Variants in ERMP1 observed in about 807,000 individuals in gnomAD.
ERMP1 encodes Felix-ina.
Under a neutral mutation model 92.0 loss-of-function variants are expected in ERMP1, and 86 were observed. That is an observed-to-expected ratio of 0.93 (90% CI 0.79 to 1.12). The LOEUF (loss-of-function observed/expected upper bound fraction) is 1.12, where lower values mean the gene tolerates loss of function less well. ERMP1 is among the 50% of genes most tolerant of loss of function. The pLI, the probability that ERMP1 is intolerant of heterozygous loss-of-function variation, is 0.00. For synonymous variants in ERMP1, 530 were observed against 412.8 expected (o/e 1.28, Z -3.44); for missense variants, 1,342 against 1,116.3 (o/e 1.20, Z -2.88).
rs559607036 is a variant in ERMP1 at position 5,803,315 on chromosome 9, G to C, written c.1914+1712C>G. On this transcript the variant is annotated intron_variant, in intron 10 of 14. Coordinates refer to ENST00000339450, the MANE Select transcript of ERMP1 (RefSeq NM_024896.3). ...TATTTCACATTATAATGAAAAATAA[G>C]TGAGCTTTCTAAAGTATTCCAAGAG... is the stretch of plus-strand genomic sequence containing the variant. Among the ~76,000 whole-genome samples, 5 of 152,326 alleles carry C rather than the reference G, an allele frequency of 3.3e-5. No homozygotes were observed. In the East Asian group the frequency reaches 9.6e-4, roughly 29 times the overall value.
chr9:5,802,786 A>C (rs76245523), intron 10 of ERMP1, among the ~76,000 whole-genome samples: 191 of 152,332 alleles, frequency 1.3e-3, no homozygotes, highest in African/African-American at 4.4e-3. Context: ...TGCTGATACA[A>C]GTGGGGTCAG....
intron 2 of ERMP1, among the ~76,000 whole-genome samples, chr9:5,825,931 T>C (rs147771112): frequency 4.0e-3 from 603 of 152,312 alleles, no homozygotes; most frequent in African/African-American, 0.013. Context: ...TTTTAAAGCA[T>C]TGTAAGAGAC....
intron 4 of ERMP1, among the ~76,000 whole-genome samples, chr9:5,814,761 CA>C (rs1477512270): frequency 6.6e-6 from 1 of 151,820 alleles, no homozygotes; most frequent in Non-Finnish European, 1.5e-5. Flanking sequence ...AAAAATGACC[CA>C]AAAAAGCAGA....
chr9:5,812,877 T>C lies in ERMP1; in HGVS notation c.1021+12A>G. 3 of 1,613,920 alleles carry C rather than the reference T, an allele frequency of 1.9e-6. No individual in the cohort carries two copies. The highest frequency in any genetic ancestry group is 1.1e-5 in the South Asian group (1 of 91,078). On this transcript the variant is annotated intron_variant, in intron 5 of 14. Transcript: ENST00000339450. ...AATGCTGCACAGTAGGCCGTAACCATTGACAATATACCTGGAATGTTCCCA... is the reference window on the plus strand; with the variant it reads ...AATGCTGCACAGTAGGCCGTAACCACTGACAATATACCTGGAATGTTCCCA...
chr9:5,856,171 C>G lies in ERMP1; in HGVS notation n.3199+3297G>C, dbSNP rs1158484574. On this transcript the variant is annotated intron_variant and non_coding_transcript_variant, in intron 6 of 6. Coordinates refer to the ERMP1 transcript ENST00000690753. ...CTTCAAATCAGGGCATTGGTTTGTC[C>G]TAAAGTCCTCAGAAAACCATCTGGG... The G allele has an allele frequency of 1.7e-5, 5 of 299,088 alleles. No homozygotes were observed. In the East Asian group the frequency reaches 6.4e-4, roughly 38 times the overall value. The allele number at this position is 299,088 out of a possible 1,614,324, so 18.5% of individuals were successfully genotyped here.
In ERMP1 at chr9:5,786,867, C is replaced by G; in HGVS notation, c.*277G>C. ...ATTGAAGTGGATTGTTGGCTTTGTC[C>G]TTAAGGTCATATAAAATGACGTGTG... On this transcript the variant is annotated 3_prime_UTR_variant, in exon 15 of 15. Transcript: ENST00000339450. 1 of 255,788 alleles carries G rather than the reference C, an allele frequency of 3.9e-6. No individual in the cohort carries two copies. The highest frequency in any genetic ancestry group is 7.5e-6 in the Non-Finnish European group (1 of 133,398). The allele number at this position is 255,788 out of a possible 1,614,324, so 15.8% of individuals were successfully genotyped here.
intron 12 of ERMP1, among the ~76,000 whole-genome samples, chr9:5,798,498 G>A (rs1828538730): frequency 6.6e-6 from 1 of 152,134 alleles, no homozygotes; most frequent in Non-Finnish European, 1.5e-5. Flanking sequence ...TTACAGGCAT[G>A]AGCCACCGTG....
upstream of ERMP1, among the ~76,000 whole-genome samples, chr9:5,833,981 T>A (rs945504589): frequency 2.6e-5 from 4 of 152,116 alleles, no homozygotes; most frequent in Non-Finnish European, 5.9e-5. Flanking sequence ...TAGCTTGGAG[T>A]TGCTACATTA....
At chr9:5,852,659 TA>T (rs35545449) in intron 6 of ERMP1, among the ~76,000 whole-genome samples, 7,573 of 137,292 alleles carry the variant, frequency 0.055, 202 homozygotes, top group Middle Eastern at 0.14. Context: ...GAATGTTCAT[TA>T]AAAAAAAAAA....
In ERMP1 at chr9:5,811,234, A is replaced by T. The variant is rs775659029; in HGVS notation, c.1204T>A (p.Phe402Ile). Reference sequence around the variant, plus strand: ...ATGACAAACAGGCCCAGCACATCAAAGAAGACCATGTTTCCATGTCGATAC... The same window carrying T: ...ATGACAAACAGGCCCAGCACATCAATGAAGACCATGTTTCCATGTCGATAC... ...SKYRHGNMVFFDVLGLFVIAY... is the reference protein window; with the variant it reads ...SKYRHGNMVFIDVLGLFVIAY... The change falls in exon 7 of 15, where the codon TTT (phenylalanine) becomes ATT (isoleucine). Residue 402 changes from phenylalanine (F) to isoleucine (I), a missense_variant. Phe to Ile is a conservative substitution (Grantham distance 21, BLOSUM62 0). Coordinates refer to ENST00000339450, the MANE Select transcript of ERMP1 (RefSeq NM_024896.3). The T allele has an allele frequency of 6.2e-7, 1 of 1,614,022 alleles. No individual in the cohort carries two copies. The highest frequency in any genetic ancestry group is 8.5e-7 in the Non-Finnish European group (1 of 1,179,990).
chr9:5,793,816 G>A (rs988945625), intron 13 of ERMP1, among the ~76,000 whole-genome samples: 3 of 152,068 alleles, frequency 2.0e-5, no homozygotes, highest in Non-Finnish European at 4.4e-5. Flanking sequence ...ACAACTAAAG[G>A]AGAAAGACAA....
At chr9:5,834,269 G>A (rs146686419), upstream of ERMP1, among the ~76,000 whole-genome samples, 1 of 152,156 alleles carries the variant, frequency 6.6e-6, no homozygotes, top group Non-Finnish European at 1.5e-5. Flanking sequence ...TTAACTCCTA[G>A]TTATCCTTTA....
chr9:5,862,800 G>T (rs1830541331), intron 5 of ERMP1, among the ~76,000 whole-genome samples: 1 of 152,182 alleles, frequency 6.6e-6, no homozygotes, highest in African/African-American at 2.4e-5. Context: ...GTGTCTACTT[G>T]TTGGGGCCAT....
rs1830027968 is a variant in ERMP1 at position 5,833,103 on chromosome 9, G to A, written c.-76C>T. 2.4e-6 allele frequency: 3 copies of A among 1,274,226 alleles called. No homozygotes were observed. Among genetic ancestry groups the A allele is most frequent in the Admixed American group, 3.8e-5 (1 of 26,454 alleles). The allele number at this position is 1,274,226 out of a possible 1,614,324, so 78.9% of individuals were successfully genotyped here. A position where few individuals can be genotyped will look rare whatever the true frequency, so the allele number is the denominator to read the frequency against. On this transcript the variant is annotated 5_prime_UTR_variant, in exon 1 of 15. Coordinates refer to ENST00000339450, the MANE Select transcript of ERMP1 (RefSeq NM_024896.3). Reference sequence around the variant, plus strand: ...GGCCGCCGCCGACGCCGCCGTCGCTGCCGCAGCGCCTCCTAGTGAGCGGAC... The same window carrying A: ...GGCCGCCGCCGACGCCGCCGTCGCTACCGCAGCGCCTCCTAGTGAGCGGAC...
intron 6 of ERMP1, among the ~76,000 whole-genome samples, chr9:5,841,505 A>C (rs1830163055): frequency 6.6e-6 from 1 of 152,184 alleles, no homozygotes. Flanking sequence ...TGGGTGAAGA[A>C]AATGTTTTGG....
chr9:5,794,038 C>T (rs891734503), intron 13 of ERMP1, among the ~76,000 whole-genome samples: 3 of 152,056 alleles, frequency 2.0e-5, no homozygotes, highest in Admixed American at 2.0e-4. Flanking sequence ...AGACCACATC[C>T]TGTATCATAA....
chr9:5,867,023 C>T (rs1830689695), intron 5 of ERMP1, among the ~76,000 whole-genome samples: 1 of 152,248 alleles, frequency 6.6e-6, no homozygotes, highest in Admixed American at 6.5e-5. Flanking sequence ...GGTGAGACCC[C>T]ATCTCTACAA....
rs544145044 is a variant in ERMP1, at chr9:5,801,031, C to G, written c.2067+145G>C. 48 of 652,046 alleles carry G rather than the reference C, an allele frequency of 7.4e-5. No homozygotes were observed. In the East Asian group the frequency reaches 1.4e-3, roughly 19 times the overall value. 40.4% of individuals were successfully genotyped at this position (652,046 alleles called of 1,614,324 possible). A position where few individuals can be genotyped will look rare whatever the true frequency, so the allele number is the denominator to read the frequency against. ...ATGCCTCTTGACAGTCAGTCTTCTC[C>G]TCACTGCCTTACACACAAAAAAGGT... On this transcript the variant is annotated intron_variant, in intron 11 of 14. Coordinates refer to ENST00000339450, the MANE Select transcript of ERMP1 (RefSeq NM_024896.3).
chr9:5,811,145 G>T lies in ERMP1; in HGVS notation c.1293C>A (p.Tyr431Ter). ...TGGGCTGCAAAAATTTTTTGCCCAG[G>T]TACAAAACAACACCCATTACCACCA... The part of the protein sequence containing the change: ...NYMVVMGVVL[Y>*]LGKKFLQPKH... Residue 431 changes from tyrosine (Y) to a stop codon, truncating the protein, a stop_gained, in exon 7 of 15, where the codon TAC becomes TAA. Coordinates refer to ENST00000339450, the MANE Select transcript of ERMP1 (RefSeq NM_024896.3). LOFTEE classifies it high-confidence loss of function. The T allele has an allele frequency of 1.2e-6, 2 of 1,613,512 alleles. No homozygotes were observed. The highest frequency in any genetic ancestry group is 1.7e-6 in the Non-Finnish European group (2 of 1,179,754).
Sources: gnomAD v4.1 joint callset for allele counts (sites outside exome capture counted in the v4.1 genomes callset) on GRCh38, gnomAD v4.1.1 for gene constraint, MANE v1.5 for transcripts, NCBI Gene and HGNC (gene_info 2026-07-23, HGNC 2026-07-21) for gene names.